Variants in HAUS8 observed in about 807,000 individuals in gnomAD.
The protein encoded by HAUS8 is HAUS augmin-like complex subunit 8.
A neutral mutation model predicts 42.9 loss-of-function variants in HAUS8; 38 were observed. The ratio of observed to expected loss-of-function variants is 0.89; its 90% CI spans 0.68 to 1.16. The LOEUF (loss-of-function observed/expected upper bound fraction) is 1.16, where lower values mean the gene tolerates loss of function less well. HAUS8 is among the 50% of genes most tolerant of loss of function. The probability of loss-of-function intolerance (pLI) is 0.00; values close to 1 mark genes in which losing one functional copy is unlikely to be tolerated. For missense variants in HAUS8, 494 were observed against 511.6 expected, an observed-to-expected ratio of 0.97 and a Z score of 0.33; for synonymous variants, 199 against 205.8, an observed-to-expected ratio of 0.97 and a Z score of 0.28.
intron 2 of HAUS8, among the ~76,000 whole-genome samples, chr19:17,070,234 G>T (rs2057413429): frequency 6.6e-6 from 1 of 151,438 alleles, no homozygotes; most frequent in South Asian, 2.1e-4. Context: ...AACACCTTTG[G>T]ACAAGACCAC....
intron 3 of HAUS8, among the ~76,000 whole-genome samples, chr19:17,064,744 C>G (rs941604214): frequency 1.3e-5 from 2 of 152,188 alleles, no homozygotes; most frequent in African/African-American, 4.8e-5. Flanking sequence ...AAAACCTAAA[C>G]TACAAAACTC....
intron 4 of HAUS8, 44 bp from the exon 5 acceptor site, chr19:17,060,136 ACT>A (rs960227958): frequency 1.5e-6 from 2 of 1,357,388 alleles, no homozygotes; most frequent in Admixed American, 1.7e-5. Flanking sequence ...GTCAAGAGAC[ACT>A]CTCCATTCAA....
At chr19:17,056,889 A>T (rs1410214441) in intron 8 of HAUS8, among the ~76,000 whole-genome samples, 1 of 151,896 alleles carries the variant, frequency 6.6e-6, no homozygotes, top group Non-Finnish European at 1.5e-5. Context: ...CTGCACATAC[A>T]TATTTTTTAT....
Position 17,058,871 on chromosome 19 carries a change from T to A in HAUS8, c.426A>T (p.Leu142Phe). The stretch of plus-strand genomic sequence containing the variant: ...ACTCCATCATTTCCATTGCTTCAGA[T>A]AAATCCTTAAGAAAAGAAAAAGACC... The part of the protein sequence containing the change: ...FSAPRKKSPD[L>F]SEAMEMMESQ... The change falls in exon 7 of 11, where the codon TTA (leucine) becomes TTT (phenylalanine). Residue 142 changes from leucine (L) to phenylalanine (F), a missense_variant. By Grantham distance (22) the Leu-to-Phe change is conservative. Coordinates refer to ENST00000253669, the MANE Select transcript of HAUS8 (RefSeq NM_033417.2). 6.2e-7 allele frequency: 1 copy of A among 1,611,498 alleles called. No homozygotes were observed. Among genetic ancestry groups the A allele is most frequent in the Non-Finnish European group, 8.5e-7 (1 of 1,179,054 alleles).
chr19:17,049,969 A>C lies in HAUS8; in HGVS notation c.1137T>G (p.Ala379=), dbSNP rs2057275997. 12 of 1,599,346 alleles carry C rather than the reference A, an allele frequency of 7.5e-6. No homozygotes were observed. Among genetic ancestry groups the C allele is most frequent in the Non-Finnish European group, 1.0e-5 (12 of 1,173,336 alleles). Residue 379 remains alanine, a synonymous_variant, in exon 11 of 11, where the codon GCT becomes GCG. Coordinates refer to ENST00000253669, the MANE Select transcript of HAUS8 (RefSeq NM_033417.2). ...CGCTTGGGCTGATGAACGTGGCCTG[A>C]GCGGGGGCTGACGAGGCACCCGGGT... ...DDNPGASSAP[A]QATFISPSED...
At chr19:17,061,542 T>C (rs938332557) in intron 4 of HAUS8, among the ~76,000 whole-genome samples, 1 of 152,232 alleles carries the variant, frequency 6.6e-6, no homozygotes, top group African/African-American at 2.4e-5. Context: ...AGCCATACAA[T>C]GGAACTCAAA....
At chr19:17,059,534 GC>G in intron 6 of HAUS8, 22 bp downstream of exon 6, 1 of 1,534,738 alleles carries the variant, frequency 6.5e-7, no homozygotes, top group Non-Finnish European at 9.0e-7. Flanking sequence ...ATCTGTGGCT[GC>G]CCTCTTCTTT....
intron 4 of HAUS8, among the ~76,000 whole-genome samples, chr19:17,061,805 T>C (rs2057362497): frequency 6.6e-6 from 1 of 152,172 alleles, no homozygotes; most frequent in Non-Finnish European, 1.5e-5. Context: ...GAGTAAGAAC[T>C]GGTTTTAAGG....
chr19:17,075,263 A>C (rs530163951), intron 1 of HAUS8, 131 bp downstream of exon 1: 2 of 1,002,802 alleles, frequency 2.0e-6, no homozygotes, highest in East Asian at 2.5e-5. Flanking sequence ...CGGGGTCTTC[A>C]GGGGCCCGCG....
At chr19:17,068,905 A>C in intron 3 of HAUS8, 126 bp downstream of exon 3, 1 of 792,612 alleles carries the variant, frequency 1.3e-6, no homozygotes, top group Non-Finnish European at 2.2e-6. Flanking sequence ...AAAGCACCTG[A>C]GTGAAGATCC....
At chr19:17,059,025 C>T in intron 6 of HAUS8, 149 bp from the exon 7 acceptor site, 1 of 637,984 alleles carries the variant, frequency 1.6e-6, no homozygotes, top group Non-Finnish European at 2.6e-6. Context: ...TCTATTGCTT[C>T]TATTTTCTTT....
In HAUS8 at chr19:17,060,032, G is replaced by A; in HGVS notation, c.290C>T (p.Thr97Ile). The part of the protein sequence containing the change: ...LQSTLLEGHG[T>I]APPDLDLSAI... ...AGAGAGATCCAGGTCAGGTGGAGCT[G>A]TGCCATGCCCTTCCAGCAACGTGGA... is the stretch of plus-strand genomic sequence containing the variant. The change falls in exon 5 of 11, where the codon ACA becomes ATA. Residue 97 changes from threonine to isoleucine, a missense_variant. By Grantham distance (89) the Thr-to-Ile change is moderately conservative. Transcript: ENST00000253669. 1.2e-6 allele frequency: 2 copies of A among 1,613,462 alleles called. No individual in the cohort carries two copies. The highest frequency in any genetic ancestry group is 1.7e-6 in the Non-Finnish European group (2 of 1,179,500).
chr19:17,071,439 A>G (rs1274467977), intron 2 of HAUS8, among the ~76,000 whole-genome samples: 2 of 152,168 alleles, frequency 1.3e-5, no homozygotes, highest in Admixed American at 1.3e-4. Context: ...CTCATGGTGC[A>G]GGTCTCCAAG....
chr19:17,060,062 AGGTCACC>A lies in HAUS8; in HGVS notation c.253_259del (p.Gly85CysfsTer33), dbSNP rs767473372. The A allele has an allele frequency of 6.2e-7, 1 of 1,613,560 alleles. No homozygotes were observed. Among genetic ancestry groups the A allele is most frequent in the Non-Finnish European group, 8.5e-7 (1 of 1,179,568 alleles). The stretch of plus-strand genomic sequence containing the variant: ...ATGCCCTTCCAGCAACGTGGACTGC[AGGTCACC>A]CTTTCCGACCCCACTGCTATCTGCT... On this transcript the variant is annotated frameshift_variant, in exon 5 of 11. Coordinates refer to ENST00000253669, the MANE Select transcript of HAUS8 (RefSeq NM_033417.2). LOFTEE classifies it high-confidence loss of function.
At position 17,052,893 on chromosome 19, in the gene HAUS8, A is replaced by G. The variant is rs765419119; in HGVS notation, c.861T>C (p.Asn287=). 8 of 1,613,950 alleles carry G rather than the reference A, an allele frequency of 5.0e-6. No individual in the cohort carries two copies. In the Admixed American group the frequency reaches 6.7e-5, roughly 13 times the overall value. Residue 287 remains asparagine (N), a synonymous_variant, in exon 10 of 11, where the codon AAT becomes AAC. Transcript: ENST00000253669. The stretch of plus-strand genomic sequence containing the variant: ...CGCTCAGTAAGTCCAGCACCTGCAC[A>G]TTTTCTTCCGAATCACCAACATCAA... ...GELDVGDSEE[N]VQVLDLLSEL...
In HAUS8 at chr19:17,062,749, C is replaced by T. The variant is rs2057368379; in HGVS notation, c.178G>A (p.Gly60Arg). Residue 60 changes from glycine (G) to arginine (R), a missense_variant, in exon 4 of 11, where the codon GGG becomes AGG. Physicochemically the swap from Gly to Arg is moderately radical, Grantham distance 125. Transcript: ENST00000253669. ...APAGDGSQTR[G>R]KMSEGGRKSS... ...TTCCTTCCACCTTCAGACATCTTCC[C>T]TCGGGTCTGTGACCCATCTCCTGCA... 6.2e-7 allele frequency: 1 copy of T among 1,614,020 alleles called. No homozygotes were observed. Among genetic ancestry groups the T allele is most frequent in the African/African-American group, 1.3e-5 (1 of 74,900 alleles).
At position 17,059,561 on chromosome 19, in the gene HAUS8, C is replaced by T; in HGVS notation, c.416G>A (p.Ser139Asn). 6.2e-7 allele frequency: 1 copy of T among 1,610,758 alleles called. No individual in the cohort carries two copies. The highest frequency in any genetic ancestry group is 8.5e-7 in the Non-Finnish European group (1 of 1,177,150). Residue 139 changes from serine to asparagine, a missense_variant, in exon 6 of 11, where the codon AGC (serine) becomes AAC (asparagine). Coordinates refer to ENST00000253669, the MANE Select transcript of HAUS8 (RefSeq NM_033417.2). ...CCTCTTCTTTCAGACACTTACCGGG[C>T]TCTTTTTCCGAGGGGCAGAAAATGA... is the stretch of plus-strand genomic sequence containing the variant. ...STSFSAPRKK[S>N]PDLSEAMEMM...
At chr19:17,057,655 C>A (rs1476400261) in intron 8 of HAUS8, among the ~76,000 whole-genome samples, 1 of 152,168 alleles carries the variant, frequency 6.6e-6, no homozygotes, top group African/African-American at 2.4e-5. Flanking sequence ...ACCTTGTACT[C>A]AAGCCCAGGG....
Position 17,055,918 on chromosome 19 carries a change from T to G in HAUS8, c.730A>C (p.Arg244=). The G allele has an allele frequency of 6.2e-7, 1 of 1,614,174 alleles. No individual in the cohort carries two copies. Among genetic ancestry groups the G allele is most frequent in the African/African-American group, 1.3e-5 (1 of 75,054 alleles). ...ATGGACCTCACGGGCAGCTCGTGCC[T>G]GGTAGTGTCCAGGGCCGTGGCGAAT... is the stretch of plus-strand genomic sequence containing the variant. ...RTFATALDTT[R]HELPVRSIHL... Residue 244 remains arginine (R), a synonymous_variant, in exon 9 of 11, where the codon AGG becomes CGG. Transcript: ENST00000253669.
Sources: gnomAD v4.1 joint callset for allele counts (sites outside exome capture counted in the v4.1 genomes callset) on GRCh38, gnomAD v4.1.1 for gene constraint, MANE v1.5 for transcripts, NCBI Gene and HGNC (gene_info 2026-07-23, HGNC 2026-07-21) for gene names.